Variants in AFF3 observed in about 807,000 individuals in gnomAD.
The protein encoded by AFF3 is ALF transcription elongation factor 3.
AFF3 carries 32 observed loss-of-function variants against 129.7 expected under a neutral mutation model. The observed-to-expected ratio is 0.25, with a 90% CI of 0.19 to 0.33. The LOEUF is 0.33. Among genes scored for constraint, AFF3 ranks in the 10% least tolerant of loss-of-function variants. AFF3 has a pLI of 1.00. For missense variants in AFF3, 1,373 were observed against 1,592.0 expected, an observed-to-expected ratio of 0.86 and a Z score of 2.34; for synonymous variants, 644 against 635.4, an observed-to-expected ratio of 1.01 and a Z score of -0.20.
chr2:100,006,868 C>A lies in AFF3; in HGVS notation c.637G>T (p.Val213Phe). 1 of 1,614,174 alleles carries A rather than the reference C, an allele frequency of 6.2e-7. No individual in the cohort carries two copies. The highest frequency in any genetic ancestry group is 1.7e-5 in the Admixed American group (1 of 60,020). ...AAKHSSSGHC[V>F]QNFPPSLASK... ...GCTAGGGATGGAGGAAAGTTCTGAACACAGTGTCCGCTGCTGCTGTGCTTG... is the reference window on the plus strand; with the variant it reads ...GCTAGGGATGGAGGAAAGTTCTGAAAACAGTGTCCGCTGCTGCTGTGCTTG... The change falls in exon 7 of 25, where the codon GTT becomes TTT. Residue 213 changes from valine to phenylalanine, a missense_variant. Val to Phe is a conservative substitution (Grantham distance 50). Transcript: ENST00000672756.
chr2:99,579,854 C>A (rs770031742), intron 17 of AFF3, among the ~76,000 whole-genome samples: 6 of 152,194 alleles, frequency 3.9e-5, no homozygotes, highest in Non-Finnish European at 7.3e-5. Context: ...ACACATGGAT[C>A]ATAAAACAAT....
At chr2:99,868,895 C>T (rs957444078) in intron 7 of AFF3, among the ~76,000 whole-genome samples, 1 of 152,084 alleles carries the variant, frequency 6.6e-6, no homozygotes, top group African/African-American at 2.4e-5. Flanking sequence ...TGGGCTCAAG[C>T]GATCCTCTGG....
At chr2:100,010,941 C>T (rs1682468812) in intron 4 of AFF3, among the ~76,000 whole-genome samples, 2 of 152,164 alleles carry the variant, frequency 1.3e-5, no homozygotes. Context: ...TTTCATTATG[C>T]ACTTCTAGCT....
At chr2:100,014,020 T>C (rs977493021) in intron 4 of AFF3, among the ~76,000 whole-genome samples, 1 of 151,850 alleles carries the variant, frequency 6.6e-6, no homozygotes, top group Non-Finnish European at 1.5e-5. Flanking sequence ...TCTGGCTGAG[T>C]CACAGGTTGA....
At chr2:100,078,360 T>C (rs1688761577) in intron 4 of AFF3, among the ~76,000 whole-genome samples, 1 of 152,242 alleles carries the variant, frequency 6.6e-6, no homozygotes, top group East Asian at 1.9e-4. Flanking sequence ...CTCACAGCTT[T>C]TACAGGGCTT....
At chr2:99,966,123 T>G (rs943513084) in intron 7 of AFF3, among the ~76,000 whole-genome samples, 1 of 152,206 alleles carries the variant, frequency 6.6e-6, no homozygotes, top group African/African-American at 2.4e-5. Context: ...AAATTTATAT[T>G]GAGTTTTCCA....
chr2:99,952,251 C>G (rs1676241501), intron 7 of AFF3, among the ~76,000 whole-genome samples: 1 of 152,138 alleles, frequency 6.6e-6, no homozygotes, highest in Non-Finnish European at 1.5e-5. Flanking sequence ...AGCACCTCCT[C>G]CAAACCCCTT....
At chr2:99,990,198 G>C (rs1240956667) in intron 7 of AFF3, among the ~76,000 whole-genome samples, 1 of 152,102 alleles carries the variant, frequency 6.6e-6, no homozygotes, top group South Asian at 2.1e-4. Flanking sequence ...GGAGGTTTCC[G>C]TTGGCCACTA....
intron 11 of AFF3, among the ~76,000 whole-genome samples, chr2:99,700,782 T>C (rs1016062946): frequency 6.6e-6 from 1 of 152,130 alleles, no homozygotes; most frequent in African/African-American, 2.4e-5. Flanking sequence ...GACAAACTGT[T>C]GCCTGTTGGC....
intron 22 of AFF3, among the ~76,000 whole-genome samples, chr2:99,558,588 G>A (rs1575346004): frequency 6.6e-6 from 1 of 152,054 alleles, no homozygotes; most frequent in Non-Finnish European, 1.5e-5. Context: ...CCATTGCACT[G>A]CAGCCTGGGC....
intron 7 of AFF3, among the ~76,000 whole-genome samples, chr2:99,970,571 C>T (rs1466710007): frequency 2.0e-5 from 3 of 152,158 alleles, no homozygotes; most frequent in Admixed American, 6.5e-5. Flanking sequence ...TTCCCTTCAC[C>T]ACAGAAACGA....
At chr2:100,107,032 A>G in intron 2 of AFF3, 1 of 985,442 alleles carries the variant, frequency 1.0e-6, no homozygotes, top group Non-Finnish European at 1.2e-6. Flanking sequence ...AAGCAATTGC[A>G]AGGCGGGTAT....
chr2:99,900,384 A>G (rs948621456), intron 7 of AFF3, among the ~76,000 whole-genome samples: 1 of 152,168 alleles, frequency 6.6e-6, no homozygotes, highest in African/African-American at 2.4e-5. Context: ...CAAGCTTTAA[A>G]ACATTTCCAA....
intron 13 of AFF3, among the ~76,000 whole-genome samples, chr2:99,606,521 A>G (rs768485106): frequency 3.3e-5 from 5 of 152,224 alleles, no homozygotes; most frequent in Admixed American, 6.5e-5. Flanking sequence ...ATGAAAAAGT[A>G]AAGAGAAAAA....
intron 7 of AFF3, among the ~76,000 whole-genome samples, chr2:99,955,567 C>T (rs902775203): frequency 6.6e-6 from 1 of 152,160 alleles, no homozygotes; most frequent in Non-Finnish European, 1.5e-5. Context: ...CTGGTGTCCA[C>T]AGGATTGACT....
intron 7 of AFF3, among the ~76,000 whole-genome samples, chr2:99,986,712 C>G (rs1679908350): frequency 6.6e-6 from 1 of 152,074 alleles, no homozygotes; most frequent in Admixed American, 6.5e-5. Flanking sequence ...TAAGCTGATA[C>G]AAAAGTAGAA....
intron 4 of AFF3, among the ~76,000 whole-genome samples, chr2:100,042,674 G>A (rs943261155): frequency 1.3e-5 from 2 of 152,142 alleles, no homozygotes; most frequent in African/African-American, 2.4e-5. Context: ...CATATCAAAC[G>A]TGAATAAATT....
chr2:99,974,816 C>T (rs1217079555), intron 7 of AFF3, among the ~76,000 whole-genome samples: 2 of 152,202 alleles, frequency 1.3e-5, no homozygotes, highest in Non-Finnish European at 2.9e-5. Context: ...AGTGCACCCA[C>T]TGGTGCCCAT....
intron 2 of AFF3, among the ~76,000 whole-genome samples, chr2:100,107,862 C>G (rs1203478965): frequency 6.6e-6 from 1 of 152,154 alleles, no homozygotes; most frequent in Non-Finnish European, 1.5e-5. Flanking sequence ...AGAAGAGAAG[C>G]CTTGCATGGC....
Sources: allele counts gnomAD v4.1 joint callset (sites outside exome capture counted in the v4.1 genomes callset), GRCh38; gene constraint gnomAD v4.1.1; transcripts MANE v1.5; gene names NCBI Gene and HGNC (gene_info 2026-07-23, HGNC 2026-07-21).